The following TAFA2 variants were observed in gnomAD, a reference collection of about 807,000 sequenced individuals.
TAFA2 encodes TAFA chemokine like family member 2, also known as chemokine-like protein TAFA-2.
A neutral mutation model predicts 18.8 loss-of-function variants in TAFA2; 7 were observed. The ratio of observed to expected loss-of-function variants is 0.37; its 90% CI spans 0.21 to 0.70. TAFA2 has a LOEUF of 0.70. Among genes scored for constraint, TAFA2 ranks in the 30% least tolerant of loss-of-function variants. The pLI, the probability that TAFA2 is intolerant of heterozygous loss-of-function variation, is 0.53. For synonymous variants in TAFA2, 60 were observed against 54.2 expected (o/e 1.11, Z -0.47); for missense variants, 122 against 158.1 (o/e 0.77, Z 1.23).
At chr12:62,077,541 C>T (rs1461320739) in intron 1 of TAFA2, among the ~76,000 whole-genome samples, 2 of 152,120 alleles carry the variant, frequency 1.3e-5, no homozygotes, top group African/African-American at 2.4e-5. Context: ...AAGAAATTTC[C>T]TTTAATGACT....
At chr12:61,970,968 A>T (rs1879227558) in intron 1 of TAFA2, among the ~76,000 whole-genome samples, 1 of 151,726 alleles carries the variant, frequency 6.6e-6, no homozygotes, top group Admixed American at 6.6e-5. Context: ...ATAATGCATA[A>T]CGTCTTATGA....
At chr12:61,852,423 A>T (rs749130438) in intron 2 of TAFA2, among the ~76,000 whole-genome samples, 2 of 152,130 alleles carry the variant, frequency 1.3e-5, no homozygotes, top group Non-Finnish European at 2.9e-5. Context: ...TGTGGCTGAG[A>T]ATGCTTTCTG....
chr12:62,042,730 C>CA (rs1159822291), intron 1 of TAFA2, among the ~76,000 whole-genome samples: 2 of 152,076 alleles, frequency 1.3e-5, no homozygotes, highest in Non-Finnish European at 2.9e-5. Flanking sequence ...TCCATATCAT[C>CA]AACTGTATTG....
intron 1 of TAFA2, among the ~76,000 whole-genome samples, chr12:61,955,632 A>AATATATATATATATAT (rs775755094): frequency 9.7e-5 from 4 of 41,200 alleles, no homozygotes; most frequent in African/African-American, 2.5e-4. Context: ...AAAAAAAAAA[A>AATATATATATATATAT]ATATATATAT....
chr12:61,896,901 C>A (rs1875869648), intron 1 of TAFA2, among the ~76,000 whole-genome samples: 1 of 152,012 alleles, frequency 6.6e-6, no homozygotes, highest in South Asian at 2.1e-4. Flanking sequence ...ATACAAATAG[C>A]AAATGGGGGA....
intron 1 of TAFA2, among the ~76,000 whole-genome samples, chr12:61,875,666 G>A (rs1874812104): frequency 6.6e-6 from 1 of 152,084 alleles, no homozygotes; most frequent in African/African-American, 2.4e-5. Context: ...GGACAGGGCT[G>A]GATAATTGAG....
chr12:62,024,824 G>T (rs1881262008), intron 1 of TAFA2, among the ~76,000 whole-genome samples: 1 of 151,948 alleles, frequency 6.6e-6, no homozygotes, highest in Non-Finnish European at 1.5e-5. Context: ...CTTCTCAAAA[G>T]AAGACATTCA....
chr12:61,789,467 C>G (rs903953020), intron 2 of TAFA2, among the ~76,000 whole-genome samples: 1 of 151,814 alleles, frequency 6.6e-6, no homozygotes, highest in African/African-American at 2.4e-5. Flanking sequence ...TGCATGTTCT[C>G]TCTCATAAGT....
rs189187531 is a variant in TAFA2, at chr12:61,738,853, A to G, written c.384+14769T>C. Among the ~76,000 whole-genome samples, 16 of 152,234 alleles carry G rather than the reference A, an allele frequency of 1.1e-4. 1 individual carries two copies. The East Asian group carries it at 2.7e-3, about 26-fold the overall frequency. Reference sequence around the variant, plus strand: ...CCCTAGTTTAAGTATGAATAGAGATAGTAGAGGAAGTTTTGAGTTATTTCC... The same window carrying G: ...CCCTAGTTTAAGTATGAATAGAGATGGTAGAGGAAGTTTTGAGTTATTTCC... On this transcript the variant is annotated intron_variant, in intron 4 of 4. Coordinates refer to ENST00000416284, the MANE Select transcript of TAFA2 (RefSeq NM_178539.5).
At chr12:61,829,406 A>G (rs1256134904) in intron 2 of TAFA2, among the ~76,000 whole-genome samples, 2 of 151,784 alleles carry the variant, frequency 1.3e-5, no homozygotes, top group East Asian at 1.9e-4. Flanking sequence ...TAAAATAAAA[A>G]CAGCAAATCA....
intron 1 of TAFA2, among the ~76,000 whole-genome samples, chr12:62,069,899 A>G (rs1443370265): frequency 6.6e-6 from 1 of 152,210 alleles, no homozygotes; most frequent in African/African-American, 2.4e-5. Context: ...TGCTATAGCC[A>G]ATGTATATAT....
chr12:61,768,926 C>G (rs560120786), intron 2 of TAFA2, among the ~76,000 whole-genome samples: 1 of 152,144 alleles, frequency 6.6e-6, no homozygotes, highest in African/African-American at 2.4e-5. Context: ...GCTTTCTCAG[C>G]AGGGAGGCTT....
At chr12:61,935,812 A>C (rs2121405298) in intron 1 of TAFA2, among the ~76,000 whole-genome samples, 1 of 152,174 alleles carries the variant, frequency 6.6e-6, no homozygotes, top group Non-Finnish European at 1.5e-5. Flanking sequence ...GAAAGTGAAA[A>C]CCTGAACAGG....
chr12:62,139,777 G>T (rs1384917792), intron 1 of TAFA2, among the ~76,000 whole-genome samples: 2 of 152,132 alleles, frequency 1.3e-5, no homozygotes, highest in Non-Finnish European at 2.9e-5. Flanking sequence ...AGCTGCAAGG[G>T]ATCTAGACCA....
In TAFA2 at chr12:62,115,642, A is replaced by G. The variant is rs144909796; in HGVS notation, c.-2+75617T>C. Among the ~76,000 whole-genome samples the G allele has an allele frequency of 3.1e-3, 476 of 151,696 alleles. 5 individuals carry two copies. The highest frequency in any genetic ancestry group is 0.01 in the African/African-American group (431 of 41,376). The stretch of plus-strand genomic sequence containing the variant: ...GTATCCCCTCCCAACCCTCACACCC[A>G]CTCTCACCTCCCACAGTCCTGCTTC... On this transcript the variant is annotated intron_variant, in intron 1 of 4. Coordinates refer to ENST00000416284, the MANE Select transcript of TAFA2 (RefSeq NM_178539.5).
At chr12:62,160,498 C>G (rs1263560990) in intron 1 of TAFA2, among the ~76,000 whole-genome samples, 1 of 152,170 alleles carries the variant, frequency 6.6e-6, no homozygotes, top group Non-Finnish European at 1.5e-5. Context: ...TCTTTGTACC[C>G]CTAACCCTTA....
At chr12:62,219,227 T>G (rs1255341445) in intron 1 of TAFA2, among the ~76,000 whole-genome samples, 1 of 151,846 alleles carries the variant, frequency 6.6e-6, no homozygotes, top group Non-Finnish European at 1.5e-5. Context: ...AAAACAAAAC[T>G]AAGAGAAATT....
Position 61,924,672 on chromosome 12 carries a change from G to A in TAFA2, c.-1-57246C>T, listed in dbSNP as rs111429570. The stretch of plus-strand genomic sequence containing the variant: ...AAAGACCATCGACACTATGAAGAAA[G>A]TGTATGAACGAATGGGTAAAATAAC... On this transcript the variant is annotated intron_variant, in intron 1 of 4. Transcript: ENST00000416284. Among the ~76,000 whole-genome samples the A allele has an allele frequency of 2.4e-3, 372 of 152,212 alleles. 4 individuals carry two copies. The highest frequency in any genetic ancestry group is 8.4e-3 in the African/African-American group (349 of 41,560).
intron 1 of TAFA2, chr12:62,253,389 C>T (rs2062923879): frequency 6.6e-6 from 1 of 152,196 alleles, no homozygotes. Flanking sequence ...GTAGGCTCTT[C>T]TACTACTTAT....
Sources: gnomAD v4.1 joint callset for allele counts (sites outside exome capture counted in the v4.1 genomes callset) on GRCh38, gnomAD v4.1.1 for gene constraint, MANE v1.5 for transcripts, NCBI Gene and HGNC (gene_info 2026-07-23, HGNC 2026-07-21) for gene names.